The following JARID2 variants were observed in gnomAD, a reference collection of about 807,000 sequenced individuals.
The protein encoded by JARID2 is jumonji and AT-rich interaction domain containing 2, also known as protein Jumonji.
In JARID2, 21 loss-of-function variants were observed where a neutral mutation model predicts 125.6. The ratio of observed to expected loss-of-function variants is 0.17; its 90% CI spans 0.12 to 0.24. The LOEUF (loss-of-function observed/expected upper bound fraction) is 0.24. Ranked by LOEUF, JARID2 falls within the 10% of genes least tolerant of loss-of-function variation. The probability of loss-of-function intolerance (pLI) is 1.00; values close to 1 mark genes in which losing one functional copy is unlikely to be tolerated. For synonymous variants in JARID2, 736 were observed against 661.6 expected (o/e 1.11, Z -1.73); for missense variants, 1,303 against 1,639.6 (o/e 0.79, Z 3.55).
intron 2 of JARID2, among the ~76,000 whole-genome samples, chr6:15,409,765 T>C (rs1765800029): frequency 6.6e-6 from 1 of 152,202 alleles, no homozygotes; most frequent in African/African-American, 2.4e-5. Flanking sequence ...ATCTAAGATG[T>C]AGCTGCAAAG....
chr6:15,262,999 G>A (rs1029580727), intron 1 of JARID2, among the ~76,000 whole-genome samples: 2 of 152,086 alleles, frequency 1.3e-5, no homozygotes, highest in Admixed American at 6.5e-5. Flanking sequence ...CTGAAGTGAT[G>A]TGCTCTGTTC....
rs139938887 is a variant in JARID2, at chr6:15,466,607, T to A, written c.494-1935T>A. 3.4e-3 allele frequency among the ~76,000 whole-genome samples: 517 copies of A among 152,360 alleles called. 3 individuals carry two copies. The highest frequency in any genetic ancestry group is 0.012 in the African/African-American group (489 of 41,578). ...ACTCTTGTTTTTTCATAAATACTTA[T>A]AAAGGTAGATTTAGGGAAGAGGGAT... On this transcript the variant is annotated intron_variant, in intron 4 of 17. Transcript: ENST00000341776.
chr6:15,399,728 G>C (rs980601848), intron 2 of JARID2, among the ~76,000 whole-genome samples: 2 of 152,170 alleles, frequency 1.3e-5, no homozygotes, highest in Admixed American at 1.3e-4. Context: ...GAACCCAGAA[G>C]GTCCTCGTTA....
chr6:15,476,734 T>A lies in JARID2; in HGVS notation c.670+8016T>A, dbSNP rs1185063178. On this transcript the variant is annotated intron_variant, in intron 5 of 17. Transcript: ENST00000341776. Reference sequence around the variant, plus strand: ...CCAAAATACTCTTCCATATACAGAATCTCAAATGATTCTAAAAATGGAGCC... The same window carrying A: ...CCAAAATACTCTTCCATATACAGAAACTCAAATGATTCTAAAAATGGAGCC... Among the ~76,000 whole-genome samples the A allele has an allele frequency of 2.6e-5, 4 of 152,192 alleles. No homozygotes were observed. In the East Asian group the frequency reaches 7.7e-4, roughly 29 times the overall value.
rs1771267550 is a variant in JARID2, at chr6:15,511,287, A to G, written c.2847-9A>G. ...CTCTGCTTGTCTCTTGTGTCTCTCA[A>G]TGACCCAGGTATTGCATTCCTGCTG... On this transcript the variant is annotated splice_polypyrimidine_tract_variant and intron_variant, in intron 12 of 17. Coordinates refer to ENST00000341776, the MANE Select transcript of JARID2 (RefSeq NM_004973.4). 6.3e-7 allele frequency: 1 copy of G among 1,599,770 alleles called. No homozygotes were observed. The highest frequency in any genetic ancestry group is 8.6e-7 in the Non-Finnish European group (1 of 1,167,022).
intron 7 of JARID2, among the ~76,000 whole-genome samples, chr6:15,499,099 G>A (rs996596390): frequency 6.6e-6 from 1 of 151,658 alleles, no homozygotes; most frequent in Non-Finnish European, 1.5e-5. Context: ...GCTTGTTGCC[G>A]TCACCCAGAA....
chr6:15,389,209 G>C (rs1764908903), intron 2 of JARID2, among the ~76,000 whole-genome samples: 2 of 152,168 alleles, frequency 1.3e-5, no homozygotes, highest in African/African-American at 4.8e-5. Context: ...TGCCCAGGCT[G>C]TAGTGCAGTG....
intron 1 of JARID2, among the ~76,000 whole-genome samples, chr6:15,342,433 T>A (rs532507944): frequency 5.9e-5 from 9 of 152,322 alleles, no homozygotes; most frequent in Non-Finnish European, 1.2e-4. Flanking sequence ...TGCTCCAGGT[T>A]TGTCAGCCCA....
In JARID2 at chr6:15,511,310, C is replaced by G; in HGVS notation, c.2861C>G (p.Ala954Gly). The G allele has an allele frequency of 6.2e-7, 1 of 1,613,270 alleles. No individual in the cohort carries two copies. Among genetic ancestry groups the G allele is most frequent in the Non-Finnish European group, 8.5e-7 (1 of 1,179,276 alleles). ...CAATGACCCAGGTATTGCATTCCTG[C>G]TGAGGAGGAGAACAAGCTGGAAGAT... The part of the protein sequence containing the change: ...GADCIWYCIP[A>G]EEENKLEDVV... The change falls in exon 13 of 18, where the codon GCT becomes GGT. Residue 954 changes from alanine (A) to glycine (G), a missense_variant. Transcript: ENST00000341776.
chr6:15,433,473 G>C (rs1381281152), intron 3 of JARID2, among the ~76,000 whole-genome samples: 5 of 145,256 alleles, frequency 3.4e-5, no homozygotes, highest in African/African-American at 1.3e-4. Context: ...TTAGGCAGTC[G>C]CTTAGGTGGC....
chr6:15,449,907 A>G (rs973936124), intron 3 of JARID2, among the ~76,000 whole-genome samples: 2 of 152,212 alleles, frequency 1.3e-5, no homozygotes, highest in African/African-American at 4.8e-5. Flanking sequence ...GAGATTGGAA[A>G]TTCCTCATAA....
intron 5 of JARID2, among the ~76,000 whole-genome samples, chr6:15,483,183 C>T (rs529079174): frequency 1.3e-5 from 2 of 152,138 alleles, no homozygotes; most frequent in Non-Finnish European, 2.9e-5. Context: ...AAAACAACAT[C>T]CTATGAAAAA....
chr6:15,248,470 AG>A (rs1256010567), intron 1 of JARID2: 1 of 63,394 alleles, frequency 1.6e-5, no homozygotes, highest in Non-Finnish European at 3.3e-5. Flanking sequence ...CGTGCCGGGG[AG>A]GGGGCGCGCG....
At chr6:15,285,737 G>T (rs1205385940) in intron 1 of JARID2, among the ~76,000 whole-genome samples, 3 of 152,138 alleles carry the variant, frequency 2.0e-5, no homozygotes, top group African/African-American at 7.2e-5. Flanking sequence ...GCAGCATCTC[G>T]TAAGTCATTC....
chr6:15,297,275 G>C (rs1189867703), intron 1 of JARID2, among the ~76,000 whole-genome samples: 1 of 151,372 alleles, frequency 6.6e-6, no homozygotes, highest in Non-Finnish European at 1.5e-5. Context: ...TCAGCCTCCC[G>C]AGTAGCTGGG....
chr6:15,469,867 G>A (rs1039677903), intron 5 of JARID2, among the ~76,000 whole-genome samples: 2 of 152,072 alleles, frequency 1.3e-5, no homozygotes, highest in Non-Finnish European at 2.9e-5. Context: ...TGCACTGAGT[G>A]GGGGAATGAG....
chr6:15,520,626 GAAC>G lies in JARID2; in HGVS notation c.*378_*380del. ...ATTTTTGAAGAGGGTGAAGTTTGGA[GAAC>G]AAATTTAAAAACCATCAGTCATGTG... is the stretch of plus-strand genomic sequence containing the variant. On this transcript the variant is annotated 3_prime_UTR_variant, in exon 18 of 18. Coordinates refer to ENST00000341776, the MANE Select transcript of JARID2 (RefSeq NM_004973.4). 3.6e-6 allele frequency: 1 copy of G among 275,838 alleles called. No individual in the cohort carries two copies. Among genetic ancestry groups the G allele is most frequent in the Non-Finnish European group, 7.4e-6 (1 of 134,344 alleles). 17.1% of individuals were successfully genotyped at this position (275,838 alleles called of 1,614,324 possible).
At chr6:15,469,262 CTCTCTGTCTCTCTGTCTCTCTG>C (rs1275791504) in intron 5 of JARID2, among the ~76,000 whole-genome samples, 9 of 112,220 alleles carry the variant, frequency 8.0e-5, no homozygotes, top group Non-Finnish European at 9.3e-5. Flanking sequence ...GTGGTCTTTT[CTCTCTGTCTCTCTGTCTCTCTG>C]TCTCTGTCTC....
intron 1 of JARID2, among the ~76,000 whole-genome samples, chr6:15,290,726 C>A (rs537886749): frequency 1.1e-4 from 16 of 152,282 alleles, no homozygotes; most frequent in African/African-American, 3.8e-4. Flanking sequence ...TCATGCCATT[C>A]TCCTGCCTCA....
Sources: gnomAD v4.1 joint callset for allele counts (sites outside exome capture counted in the v4.1 genomes callset) on GRCh38, gnomAD v4.1.1 for gene constraint, MANE v1.5 for transcripts, NCBI Gene and HGNC (gene_info 2026-07-23, HGNC 2026-07-21) for gene names.